Variants in ATP8A2 observed in about 807,000 individuals in gnomAD.
ATP8A2 encodes the protein phospholipid-transporting ATPase IB.
In ATP8A2, 100 loss-of-function variants were observed where a neutral mutation model predicts 165.6. The observed-to-expected ratio is 0.60, with a 90% CI of 0.51 to 0.71. ATP8A2 has a LOEUF of 0.71. ATP8A2 is among the 30% of genes least tolerant of loss of function. The pLI is 0.00. For synonymous variants in ATP8A2, 543 were observed against 548.8 expected, an observed-to-expected ratio of 0.99 and a Z score of 0.15; for missense variants, 1,227 against 1,479.5, an observed-to-expected ratio of 0.83 and a Z score of 2.80.
At chr13:25,889,245 CATATATAT>C (rs200723564) in intron 33 of ATP8A2, among the ~76,000 whole-genome samples, 50 of 109,936 alleles carry the variant, frequency 4.5e-4, no homozygotes, top group East Asian at 2.6e-3. Flanking sequence ...CATCCTTTGT[CATATATAT>C]ATATATATAT....
chr13:25,554,066 G>A (rs1376319172), intron 12 of ATP8A2, 146 bp downstream of exon 12: 30 of 824,360 alleles, frequency 3.6e-5, no homozygotes, highest in Non-Finnish European at 5.5e-5. Context: ...AACTGGCCAG[G>A]GATCACCAGT....
chr13:25,574,678 A>G (rs968528316), intron 18 of ATP8A2, 130 bp from the exon 19 acceptor site: 75 of 694,406 alleles, frequency 1.1e-4, no homozygotes, highest in Non-Finnish European at 1.3e-4. Flanking sequence ...AAAACAGTAC[A>G]TGTTGCAAAG....
chr13:25,426,787 A>G (rs2034460789), intron 1 of ATP8A2, among the ~76,000 whole-genome samples: 1 of 152,080 alleles, frequency 6.6e-6, no homozygotes, highest in Non-Finnish European at 1.5e-5. Flanking sequence ...TACCAAAAAT[A>G]TAAAAAAAAT....
At chr13:25,540,928 C>G (rs1366991102) in intron 8 of ATP8A2, among the ~76,000 whole-genome samples, 1 of 151,582 alleles carries the variant, frequency 6.6e-6, no homozygotes, top group Non-Finnish European at 1.5e-5. Flanking sequence ...GTGATGCGAC[C>G]TCGGCTTACT....
rs1211602117 is a variant in ATP8A2, at chr13:25,468,604, T to C, written c.77-373T>C. ...CAGATGGCTGGGGGTGCCGCTGGCC[T>C]TGGCGCCCCCGCCGTCCCCGCGCGG... On this transcript the variant is annotated intron_variant, in intron 1 of 36. Coordinates refer to ENST00000381655, the MANE Select transcript of ATP8A2 (RefSeq NM_016529.6). Among the ~76,000 whole-genome samples, 4 of 152,116 alleles carry C rather than the reference T, an allele frequency of 2.6e-5. No homozygotes were observed. In the East Asian group the frequency reaches 5.8e-4, roughly 22 times the overall value.
intron 24 of ATP8A2, among the ~76,000 whole-genome samples, chr13:25,600,920 G>A (rs1229859582): frequency 2.0e-5 from 3 of 152,286 alleles, no homozygotes; most frequent in African/African-American, 4.8e-5. Context: ...AGGAGGACAC[G>A]GGATACTACA....
chr13:25,916,393 G>A (rs376569206), intron 33 of ATP8A2, among the ~76,000 whole-genome samples: 3 of 152,192 alleles, frequency 2.0e-5, no homozygotes, highest in East Asian at 1.9e-4. Context: ...CCCTTGGTGG[G>A]GACATTCCAA....
chr13:25,595,112 T>C (rs1243738849), intron 24 of ATP8A2, among the ~76,000 whole-genome samples: 1 of 151,880 alleles, frequency 6.6e-6, no homozygotes, highest in Non-Finnish European at 1.5e-5. Context: ...AAGAAACAAG[T>C]AATTAAACAA....
chr13:25,928,061 T>G (rs185181274), intron 33 of ATP8A2, among the ~76,000 whole-genome samples: 8 of 152,258 alleles, frequency 5.3e-5, no homozygotes, highest in Non-Finnish European at 1.2e-4. Context: ...GGAAATGTTA[T>G]GGTTTCAAAC....
intron 33 of ATP8A2, among the ~76,000 whole-genome samples, chr13:25,865,098 A>G (rs1416692720): frequency 6.6e-6 from 1 of 152,156 alleles, no homozygotes; most frequent in African/African-American, 2.4e-5. Context: ...CTCCTGGCTC[A>G]GGAGGACTTA....
At chr13:25,814,982 C>T (rs962375469) in intron 27 of ATP8A2, among the ~76,000 whole-genome samples, 1 of 151,768 alleles carries the variant, frequency 6.6e-6, no homozygotes, top group Admixed American at 6.6e-5. Context: ...TGCAGTAGGC[C>T]GTGATTATAC....
At chr13:25,860,966 T>C in intron 32 of ATP8A2, 106 bp downstream of exon 32, 1 of 780,102 alleles carries the variant, frequency 1.3e-6, no homozygotes, top group Non-Finnish European at 2.1e-6. Flanking sequence ...GCTATCTTCT[T>C]TCAGATTTTC....
At chr13:25,402,513 G>A (rs2033669661) in intron 1 of ATP8A2, among the ~76,000 whole-genome samples, 1 of 152,292 alleles carries the variant, frequency 6.6e-6, no homozygotes, top group Non-Finnish European at 1.5e-5. Flanking sequence ...CCCTGGCACT[G>A]GCTCCTGGGT....
Position 25,929,246 on chromosome 13 carries a change from G to A in ATP8A2, c.3184-32329G>A, listed in dbSNP as rs944162030. ...AGGGAAGTCACCGGACGTCCAGCAC[G>A]CAGGCAGAGCTGGTGGGGGCTGCCT... On this transcript the variant is annotated intron_variant, in intron 33 of 36. Coordinates refer to ENST00000381655, the MANE Select transcript of ATP8A2 (RefSeq NM_016529.6). 2.0e-5 allele frequency among the ~76,000 whole-genome samples: 3 copies of A among 152,252 alleles called. 1 individual carries two copies. Among genetic ancestry groups the A allele is most frequent in the South Asian group, 2.1e-4 (1 of 4,820 alleles).
intron 25 of ATP8A2, among the ~76,000 whole-genome samples, chr13:25,702,573 T>C (rs928010190): frequency 6.6e-6 from 1 of 152,190 alleles, no homozygotes; most frequent in African/African-American, 2.4e-5. Flanking sequence ...GACATTTACA[T>C]TGCAAATTCC....
intron 33 of ATP8A2, among the ~76,000 whole-genome samples, chr13:25,885,939 T>TG (rs1173113911): frequency 6.6e-6 from 1 of 152,152 alleles, no homozygotes; most frequent in Non-Finnish European, 1.5e-5. Flanking sequence ...CAAAGGGAAT[T>TG]GCAGGTTTGA....
At chr13:25,650,081 G>A (rs1007641102) in intron 24 of ATP8A2, among the ~76,000 whole-genome samples, 6 of 152,180 alleles carry the variant, frequency 3.9e-5, no homozygotes, top group Admixed American at 1.3e-4. Context: ...TTTTCCCTCT[G>A]TAGAAACCAT....
chr13:25,381,906 G>A (rs2032851939), intron 1 of ATP8A2, among the ~76,000 whole-genome samples: 1 of 152,156 alleles, frequency 6.6e-6, no homozygotes, highest in Non-Finnish European at 1.5e-5. Flanking sequence ...TGGGGATGCC[G>A]TCTGTGTAAA....
At chr13:25,936,427 T>C (rs984439948) in intron 33 of ATP8A2, among the ~76,000 whole-genome samples, 1 of 152,186 alleles carries the variant, frequency 6.6e-6, no homozygotes, top group African/African-American at 2.4e-5. Flanking sequence ...CAGTGAGAAG[T>C]TTGATTAAAT....
Sources: gnomAD v4.1 joint callset for allele counts (sites outside exome capture counted in the v4.1 genomes callset) on GRCh38, gnomAD v4.1.1 for gene constraint, MANE v1.5 for transcripts, NCBI Gene and HGNC (gene_info 2026-07-23, HGNC 2026-07-21) for gene names.